The following DPP6 variants were observed in gnomAD, a reference collection of about 807,000 sequenced individuals.
DPP6 encodes the protein dipeptidyl peptidase like 6.
DPP6 carries 69 observed loss-of-function variants against 122.6 expected under a neutral mutation model. The ratio of observed to expected loss-of-function variants is 0.56; its 90% CI spans 0.46 to 0.69. The LOEUF (loss-of-function observed/expected upper bound fraction) is 0.69. Ranked by LOEUF, DPP6 falls within the 30% of genes least tolerant of loss-of-function variation. DPP6 has a pLI of 0.00. For missense variants in DPP6, 928 were observed against 1,116.9 expected, an observed-to-expected ratio of 0.83 and a Z score of 2.41; for synonymous variants, 418 against 433.1, an observed-to-expected ratio of 0.97 and a Z score of 0.43.
intron 3 of DPP6, among the ~76,000 whole-genome samples, chr7:154,516,439 A>G (rs1300844914): frequency 6.6e-6 from 1 of 152,226 alleles, no homozygotes; most frequent in East Asian, 1.9e-4. Context: ...AGGCATCTGC[A>G]GTCTCCCAGG....
intron 8 of DPP6, among the ~76,000 whole-genome samples, chr7:154,748,571 G>A (rs554489551): frequency 4.6e-5 from 7 of 152,326 alleles, no homozygotes; most frequent in South Asian, 2.1e-4. Context: ...AAACCCCTGC[G>A]AGCCCTGCGG....
At chr7:154,421,848 A>G (rs1817498528) in intron 1 of DPP6, among the ~76,000 whole-genome samples, 1 of 152,236 alleles carries the variant, frequency 6.6e-6, no homozygotes, top group African/African-American at 2.4e-5. Flanking sequence ...GGTTTATTAC[A>G]GTGGCCCCAG....
At chr7:154,705,334 C>A (rs1171215634) in intron 7 of DPP6, among the ~76,000 whole-genome samples, 12 of 152,212 alleles carry the variant, frequency 7.9e-5, no homozygotes, top group Non-Finnish European at 1.3e-4. Context: ...CTGCCTCCAT[C>A]CTTATCTCCT....
chr7:154,204,036 C>T (rs551955660), intron 1 of DPP6, among the ~76,000 whole-genome samples: 24 of 152,292 alleles, frequency 1.6e-4, no homozygotes, highest in African/African-American at 5.3e-4. Context: ...GGGAAGGCGC[C>T]GATTTTCCAT....
the DPP6 span, among the ~76,000 whole-genome samples, chr7:153,842,000 T>C: frequency 6.6e-6 from 1 of 152,322 alleles, no homozygotes; most frequent in African/African-American, 2.4e-5. Flanking sequence ...TGACGTTTCA[T>C]TGATGATCCA....
intron 1 of DPP6, among the ~76,000 whole-genome samples, chr7:154,064,949 G>T (rs369504287): frequency 2.0e-5 from 3 of 152,206 alleles, no homozygotes; most frequent in African/African-American, 7.2e-5. Flanking sequence ...ACCTTGCAGC[G>T]TCTCCTCCTC....
intron 1 of DPP6, among the ~76,000 whole-genome samples, chr7:154,267,579 A>G (rs1275077614): frequency 2.0e-5 from 3 of 151,186 alleles, no homozygotes; most frequent in Non-Finnish European, 4.4e-5. Context: ...ACACACACAT[A>G]TGTGCACATA....
intron 1 of DPP6, among the ~76,000 whole-genome samples, chr7:153,994,367 C>T (rs558335546): frequency 2.0e-3 from 309 of 151,934 alleles, no homozygotes; most frequent in African/African-American, 6.9e-3. Flanking sequence ...TAGTGGAGTA[C>T]GTGATAATGC....
chr7:154,627,259 G>A (rs1273040829), intron 5 of DPP6, among the ~76,000 whole-genome samples: 1 of 145,694 alleles, frequency 6.9e-6, no homozygotes, highest in African/African-American at 2.6e-5. Context: ...GCAGTGGCGC[G>A]ATCTCGGCTT....
At chr7:153,751,954 C>G in the DPP6 span, among the ~76,000 whole-genome samples, 2 of 152,064 alleles carry the variant, frequency 1.3e-5, no homozygotes, top group Non-Finnish European at 2.9e-5. Context: ...GTGCTTCAGT[C>G]TCTGGAAGCA....
chr7:154,340,951 A>T (rs1325511117), intron 1 of DPP6, among the ~76,000 whole-genome samples: 2 of 152,140 alleles, frequency 1.3e-5, no homozygotes, highest in African/African-American at 4.8e-5. Flanking sequence ...CCCTTGAGAC[A>T]TCCTTTTCTT....
Position 154,801,364 on chromosome 7 carries a change from C to G in DPP6, c.1309C>G (p.Pro437Ala), listed in dbSNP as rs780089806. 1.9e-6 allele frequency: 3 copies of G among 1,586,680 alleles called. No homozygotes were observed. Among genetic ancestry groups the G allele is most frequent in the South Asian group, 1.2e-5 (1 of 86,584 alleles). Reference sequence around the variant, plus strand: ...TGGCCTTTGTCCACAGAATGAAGAACCTGTGTTCTCCAAGGATGGCCGAAA... The same window carrying G: ...TGGCCTTTGTCCACAGAATGAAGAAGCTGTGTTCTCCAAGGATGGCCGAAA... ...EAWLHRQNEEPVFSKDGRKFF... is the reference protein window; with the variant it reads ...EAWLHRQNEEAVFSKDGRKFF... The change falls in exon 13 of 26, where the codon CCT (proline) becomes GCT (alanine). Residue 437 changes from proline (P) to alanine (A), a missense_variant. By Grantham distance (27) the Pro-to-Ala change is conservative. Coordinates refer to ENST00000377770, the MANE Select transcript of DPP6 (RefSeq NM_130797.4).
At chr7:154,005,238 G>C (rs1170495816) in intron 1 of DPP6, among the ~76,000 whole-genome samples, 2 of 152,174 alleles carry the variant, frequency 1.3e-5, no homozygotes, top group Non-Finnish European at 2.9e-5. Context: ...TAACTAATTT[G>C]CTCTAGCCTT....
chr7:154,822,680 C>G (rs538225310), intron 16 of DPP6, among the ~76,000 whole-genome samples: 1 of 152,268 alleles, frequency 6.6e-6, no homozygotes, highest in Non-Finnish European at 1.5e-5. Flanking sequence ...CCGCCCCCAA[C>G]GACTTCATCC....
chr7:154,840,915 A>G (rs916388554), intron 16 of DPP6, among the ~76,000 whole-genome samples: 1 of 152,120 alleles, frequency 6.6e-6, no homozygotes, highest in Non-Finnish European at 1.5e-5. Context: ...CATTCATCCT[A>G]TCGGCGACTG....
the DPP6 span, among the ~76,000 whole-genome samples, chr7:153,819,406 G>A: frequency 3.2e-3 from 484 of 149,772 alleles, 1 homozygote; most frequent in Non-Finnish European, 5.8e-3. Flanking sequence ...CATCCAGAAG[G>A]TGTCAACCAA....
intron 3 of DPP6, among the ~76,000 whole-genome samples, chr7:154,492,094 T>C (rs1824326645): frequency 6.6e-6 from 1 of 152,238 alleles, no homozygotes; most frequent in Non-Finnish European, 1.5e-5. Flanking sequence ...CCTAAAGCTC[T>C]GATTTGTTAG....
intron 1 of DPP6, among the ~76,000 whole-genome samples, chr7:154,281,010 T>TATTTATTG (rs1245466523): frequency 6.7e-6 from 1 of 150,248 alleles, no homozygotes. Flanking sequence ...TTTATTTATT[T>TATTTATTG]ATTTATTTAT....
chr7:154,152,411 CT>C (rs1197732553), intron 1 of DPP6, among the ~76,000 whole-genome samples: 1 of 152,220 alleles, frequency 6.6e-6, no homozygotes, highest in Non-Finnish European at 1.5e-5. Flanking sequence ...CAGCCTGACT[CT>C]TCCCAAGACT....
Sources: gnomAD v4.1 joint callset for allele counts (sites outside exome capture counted in the v4.1 genomes callset) on GRCh38, gnomAD v4.1.1 for gene constraint, MANE v1.5 for transcripts, NCBI Gene and HGNC (gene_info 2026-07-23, HGNC 2026-07-21) for gene names.